The following CCDC148 variants were observed in gnomAD, a reference collection of about 807,000 sequenced individuals.
CCDC148 encodes coiled-coil domain-containing protein 148.
A neutral mutation model predicts 85.7 loss-of-function variants in CCDC148; 89 were observed. The observed-to-expected ratio is 1.04, with a 90% CI of 0.87 to 1.24. The LOEUF (loss-of-function observed/expected upper bound fraction) is 1.24. Among genes scored for constraint, CCDC148 ranks in the 50% most tolerant of loss-of-function variants. The probability of loss-of-function intolerance (pLI) is 0.00; values close to 1 mark genes in which losing one functional copy is unlikely to be tolerated. For missense variants in CCDC148, 692 were observed against 671.7 expected (o/e 1.03, Z -0.33); for synonymous variants, 230 against 213.9 (o/e 1.08, Z -0.66).
At chr2:158,276,883 C>T (rs921175628) in intron 9 of CCDC148, among the ~76,000 whole-genome samples, 3 of 152,092 alleles carry the variant, frequency 2.0e-5, no homozygotes, top group African/African-American at 7.2e-5. Flanking sequence ...GTTAATATGA[C>T]AAATAGAAAA....
intron 10 of CCDC148, among the ~76,000 whole-genome samples, chr2:158,240,786 C>T (rs968142583): frequency 6.6e-6 from 1 of 152,112 alleles, no homozygotes; most frequent in Non-Finnish European, 1.5e-5. Flanking sequence ...GCAATTCCTA[C>T]AGTACACACA....
chr2:158,391,715 C>T (rs1685316190), intron 1 of CCDC148, among the ~76,000 whole-genome samples: 1 of 152,142 alleles, frequency 6.6e-6, no homozygotes, highest in Non-Finnish European at 1.5e-5. Context: ...ATTCTTTTCA[C>T]TTATACTGAA....
chr2:158,336,449 G>A (rs534418812), intron 7 of CCDC148, among the ~76,000 whole-genome samples: 1 of 152,232 alleles, frequency 6.6e-6, no homozygotes, highest in African/African-American at 2.4e-5. Context: ...TAGGGTACAT[G>A]TATATACATT....
At chr2:158,328,044 T>C (rs1692875299) in intron 7 of CCDC148, among the ~76,000 whole-genome samples, 1 of 152,146 alleles carries the variant, frequency 6.6e-6, no homozygotes, top group South Asian at 2.1e-4. Context: ...ATTTAAGTTT[T>C]AGGGTACATG....
intron 11 of CCDC148, among the ~76,000 whole-genome samples, chr2:158,214,121 TAAAAAAAAAA>T (rs70990697): frequency 1.0e-5 from 1 of 96,630 alleles, no homozygotes; most frequent in African/African-American, 3.9e-5. Flanking sequence ...AACATTGTGG[TAAAAAAAAAA>T]AAAAAAAAAA....
At chr2:158,422,109 C>T (rs1342777356) in intron 1 of CCDC148, among the ~76,000 whole-genome samples, 1 of 151,832 alleles carries the variant, frequency 6.6e-6, no homozygotes, top group African/African-American at 2.4e-5. Flanking sequence ...AGCCTACCAA[C>T]AAAAAAAGTC....
At position 158,340,395 on chromosome 2, in the gene CCDC148, T is replaced by C. The variant is rs553866692; in HGVS notation, c.335-2A>G. 5.0e-6 allele frequency: 8 copies of C among 1,612,448 alleles called. No individual in the cohort carries two copies. Among genetic ancestry groups the C allele is most frequent in the Non-Finnish European group, 6.8e-6 (8 of 1,179,264 alleles). ...ACTGTTGTTCTGATAGCTCTTGCTCTATGGTGAAACAAAATTGAATTAAAG... is the reference window on the plus strand; with the variant it reads ...ACTGTTGTTCTGATAGCTCTTGCTCCATGGTGAAACAAAATTGAATTAAAG... On this transcript the variant is annotated splice_acceptor_variant, in intron 4 of 13. Transcript: ENST00000283233. LOFTEE classifies it high-confidence loss of function.
chr2:158,453,335 T>G (rs956503575), intron 1 of CCDC148, among the ~76,000 whole-genome samples: 1 of 152,140 alleles, frequency 6.6e-6, no homozygotes, highest in Non-Finnish European at 1.5e-5. Flanking sequence ...AGGTAATCAT[T>G]AGGCAGAGCC....
intron 1 of CCDC148, among the ~76,000 whole-genome samples, chr2:158,434,554 A>T (rs1038059856): frequency 6.6e-6 from 1 of 152,224 alleles, no homozygotes; most frequent in African/African-American, 2.4e-5. Context: ...ATTAAAAATC[A>T]GAGTGCCTCT....
At position 158,238,382 on chromosome 2, in the gene CCDC148, C is replaced by A. The variant is rs72995405; in HGVS notation, c.1251+12390G>T. Among the ~76,000 whole-genome samples the A allele has an allele frequency of 4.0e-5, 6 of 151,878 alleles. No individual in the cohort carries two copies. The East Asian group carries it at 7.7e-4, about 20-fold the overall frequency. On this transcript the variant is annotated intron_variant, in intron 10 of 13. Coordinates refer to ENST00000283233, the MANE Select transcript of CCDC148 (RefSeq NM_138803.4). ...AGGGGTACAGATTCTGAGAGGTGGG[C>A]AGATGTCATATTGGAAACCTGTGGA...
chr2:158,339,738 A>G (rs1682576032), intron 5 of CCDC148, among the ~76,000 whole-genome samples: 1 of 152,200 alleles, frequency 6.6e-6, no homozygotes, highest in South Asian at 2.1e-4. Flanking sequence ...TCAACAGGAC[A>G]GAGGAAATAG....
chr2:158,455,172 C>G (rs1315861196), intron 1 of CCDC148, among the ~76,000 whole-genome samples: 1 of 152,046 alleles, frequency 6.6e-6, no homozygotes, highest in African/African-American at 2.4e-5. Flanking sequence ...TTTTTCTGTT[C>G]TATAAACAAA....
chr2:158,376,167 A>G (rs771290117), intron 1 of CCDC148, among the ~76,000 whole-genome samples: 2 of 152,130 alleles, frequency 1.3e-5, no homozygotes, highest in Admixed American at 1.3e-4. Flanking sequence ...TTGCTTTTCA[A>G]TAGTAGCATG....
At chr2:158,351,103 C>A (rs1683245328) in intron 2 of CCDC148, among the ~76,000 whole-genome samples, 1 of 152,132 alleles carries the variant, frequency 6.6e-6, no homozygotes, top group East Asian at 1.9e-4. Flanking sequence ...TATTATACAC[C>A]AAACAGCATG....
At chr2:158,290,705 T>A (rs1282751599) in intron 9 of CCDC148, among the ~76,000 whole-genome samples, 1 of 152,178 alleles carries the variant, frequency 6.6e-6, no homozygotes, top group Non-Finnish European at 1.5e-5. Flanking sequence ...TGTTGATTTA[T>A]CTTGTTAGTC....
At chr2:158,426,441 G>A (rs182872250) in intron 1 of CCDC148, among the ~76,000 whole-genome samples, 38 of 152,252 alleles carry the variant, frequency 2.5e-4, no homozygotes, top group Admixed American at 2.3e-3. Context: ...TGCATATTCA[G>A]ATGTAGGAAG....
At chr2:158,205,282 C>G (rs1221247377) in intron 11 of CCDC148, among the ~76,000 whole-genome samples, 1 of 152,076 alleles carries the variant, frequency 6.6e-6, no homozygotes, top group Non-Finnish European at 1.5e-5. Flanking sequence ...TCACCTTGGG[C>G]TTCTGATTGG....
At chr2:158,307,431 G>T (rs1390400328) in intron 9 of CCDC148, among the ~76,000 whole-genome samples, 1 of 152,196 alleles carries the variant, frequency 6.6e-6, no homozygotes, top group African/African-American at 2.4e-5. Context: ...TGTTGGGGAA[G>T]ATGTGAAGCA....
At chr2:158,297,954 A>T (rs921645882) in intron 9 of CCDC148, among the ~76,000 whole-genome samples, 3 of 152,204 alleles carry the variant, frequency 2.0e-5, no homozygotes, top group Admixed American at 6.5e-5. Context: ...TATACCCAAG[A>T]CCAGGTAATT....
Sources: gnomAD v4.1 joint callset for allele counts (sites outside exome capture counted in the v4.1 genomes callset) on GRCh38, gnomAD v4.1.1 for gene constraint, MANE v1.5 for transcripts, NCBI Gene and HGNC (gene_info 2026-07-23, HGNC 2026-07-21) for gene names.